CACNA1H: variants seen among roughly 807,000 people sequenced by gnomAD.
CACNA1H encodes voltage-dependent T-type calcium channel subunit alpha-1H.
A neutral mutation model predicts 192.5 loss-of-function variants in CACNA1H; 149 were observed. The ratio of observed to expected loss-of-function variants is 0.77; its 90% CI spans 0.68 to 0.89. The LOEUF (loss-of-function observed/expected upper bound fraction) is 0.89, where lower values mean the gene tolerates loss of function less well. Ranked by LOEUF, CACNA1H falls within the 40% of genes least tolerant of loss-of-function variation. CACNA1H has a pLI of 0.00. For missense variants in CACNA1H, 4,257 were observed against 3,423.5 expected, an observed-to-expected ratio of 1.24 and a Z score of -6.08; for synonymous variants, 2,202 against 1,475.2, an observed-to-expected ratio of 1.49 and a Z score of -11.29.
chr16:1,198,593 A>G (rs749971648), intron 5 of CACNA1H, 22 bp from the exon 6 acceptor site: 35 of 1,610,922 alleles, frequency 2.2e-5, no homozygotes, highest in Admixed American at 6.7e-5. Context: ...AGCAGTGCCA[A>G]TCCTGGCCCT....
chr16:1,178,320 C>T (rs2151743882), intron 2 of CACNA1H, among the ~76,000 whole-genome samples: 1 of 146,786 alleles, frequency 6.8e-6, no homozygotes, highest in African/African-American at 2.5e-5. Context: ...TCCCCAGCCG[C>T]CTCATTTACG....
chr16:1,207,359 C>T lies in CACNA1H; in HGVS notation c.2992C>T (p.Leu998Phe), dbSNP rs768438272. ...CTGGGCCGCCCTCTACTTCGTGGCC[C>T]TCATGACCTTCGGCAACTATGTGCT... ...SSWAALYFVA[L>F]MTFGNYVLFN... The change falls in exon 14 of 35, where the codon CTC (leucine) becomes TTC (phenylalanine). Residue 998 changes from leucine to phenylalanine, a missense_variant. Coordinates refer to ENST00000348261, the MANE Select transcript of CACNA1H (RefSeq NM_021098.3). 1.2e-6 allele frequency: 2 copies of T among 1,613,194 alleles called. No individual in the cohort carries two copies. The highest frequency in any genetic ancestry group is 1.1e-5 in the South Asian group (1 of 91,028).
intron 4 of CACNA1H, among the ~76,000 whole-genome samples, 161 bp from the exon 5 acceptor site, chr16:1,195,765 C>T (rs112165476): frequency 2.2e-4 from 34 of 152,268 alleles, no homozygotes; most frequent in African/African-American, 8.2e-4. Context: ...TGTGACCAAG[C>T]GTTGTGCTCC....
intron 2 of CACNA1H, among the ~76,000 whole-genome samples, chr16:1,154,407 C>T (rs965820170): frequency 6.6e-6 from 1 of 152,130 alleles, no homozygotes; most frequent in African/African-American, 2.4e-5. Flanking sequence ...CTTGCCCACC[C>T]CTCACTGTCT....
chr16:1,215,410 G>T (rs141255443), intron 29 of CACNA1H, 35 bp downstream of exon 29: 1 of 1,594,680 alleles, frequency 6.3e-7, no homozygotes, highest in South Asian at 1.1e-5. Flanking sequence ...TTCTCTCTGC[G>T]GGTGGAGGGT....
At position 1,200,493 on chromosome 16, in the gene CACNA1H, C is replaced by G. The variant is rs757510335; in HGVS notation, c.1041C>G (p.Cys347Trp). Residue 347 changes from cysteine to tryptophan, a missense_variant, in exon 7 of 35, where the codon TGC becomes TGG. By Grantham distance (215) the Cys-to-Trp change is radical. Coordinates refer to ENST00000348261, the MANE Select transcript of CACNA1H (RefSeq NM_021098.3). ...CINWNQYYNV[C>W]RSGDSNPHNG... is the part of the protein sequence containing the mutation. ...ACTGGAACCAGTACTACAACGTGTG[C>G]CGCTCGGGTGACTCCAACCCCCACA... The G allele has an allele frequency of 6.2e-7, 1 of 1,612,180 alleles. No individual in the cohort carries two copies. The highest frequency in any genetic ancestry group is 8.5e-7 in the Non-Finnish European group (1 of 1,179,716).
rs1308887115 is a variant in CACNA1H, at chr16:1,220,785, A to G, written c.6853A>G (p.Ser2285Gly). 3 of 1,612,726 alleles carry G rather than the reference A, an allele frequency of 1.9e-6. No homozygotes were observed. Among genetic ancestry groups the G allele is most frequent in the East Asian group, 2.2e-5 (1 of 44,842 alleles). The change falls in exon 35 of 35, where the codon AGC becomes GGC. Residue 2285 changes from serine (S) to glycine (G), a missense_variant. By Grantham distance (56) the Ser-to-Gly change is moderately conservative. Coordinates refer to ENST00000348261, the MANE Select transcript of CACNA1H (RefSeq NM_021098.3). The part of the protein sequence containing the change: ...VPSGDPFLDG[S>G]HSVTPESRAS... ...CAGTGGAGACCCTTTCTTGGACGGT[A>G]GCCACAGTGTGACCCCAGAATCCAG... is the stretch of plus-strand genomic sequence containing the variant.
At chr16:1,158,968 C>T (rs1188056914) in intron 2 of CACNA1H, among the ~76,000 whole-genome samples, 1 of 152,206 alleles carries the variant, frequency 6.6e-6, no homozygotes, top group Non-Finnish European at 1.5e-5. Context: ...CGGGTTTCAC[C>T]GTCCGTCTGT....
intron 31 of CACNA1H, 60 bp from the exon 32 acceptor site, chr16:1,217,859 C>T (rs1331241042): frequency 1.3e-6 from 2 of 1,523,220 alleles, no homozygotes; most frequent in Non-Finnish European, 1.8e-6. Context: ...AGGCTGGGTG[C>T]ATGTCCCGCC....
Position 1,201,946 on chromosome 16 carries a change from G to T in CACNA1H, c.1496G>T (p.Gly499Val). 1 of 1,547,388 alleles carries T rather than the reference G, an allele frequency of 6.5e-7. No homozygotes were observed. Residue 499 changes from glycine (G) to valine (V), a missense_variant, in exon 9 of 35, where the codon GGT becomes GTT. Gly to Val is a moderately radical substitution (Grantham distance 109, BLOSUM62 -3). Coordinates refer to ENST00000348261, the MANE Select transcript of CACNA1H (RefSeq NM_021098.3). ...GACCCCAGTGCTGTGCAAGGCCAGG[G>T]TCCCGGGCACCGCCAGCGCCGGGCA... ...KVDPSAVQGQ[G>V]PGHRQRRAGR...
intron 30 of CACNA1H, among the ~76,000 whole-genome samples, chr16:1,216,253 C>A (rs1970017624): frequency 6.6e-6 from 1 of 152,214 alleles, no homozygotes; most frequent in African/African-American, 2.4e-5. Flanking sequence ...CCCACCTCAG[C>A]TGTCCCCACT....
At chr16:1,177,197 TGACACAGGCTG>T (rs1275939684) in intron 2 of CACNA1H, among the ~76,000 whole-genome samples, 2 of 152,194 alleles carry the variant, frequency 1.3e-5, no homozygotes, top group Admixed American at 1.3e-4. Flanking sequence ...GATTTCTAAG[TGACACAGGCTG>T]GATGGAGTTT....
At chr16:1,179,548 C>A (rs1965256402) in intron 2 of CACNA1H, among the ~76,000 whole-genome samples, 1 of 152,134 alleles carries the variant, frequency 6.6e-6, no homozygotes, top group Non-Finnish European at 1.5e-5. Context: ...CCTGCCTCAG[C>A]CTCCTGAATA....
rs1415182945 is a variant in CACNA1H, at chr16:1,217,914, C to T, written c.5324-5C>T. 29 of 1,598,260 alleles carry T rather than the reference C, an allele frequency of 1.8e-5. No individual in the cohort carries two copies. The East Asian group carries it at 3.6e-4, about 20-fold the overall frequency. On this transcript the variant is annotated splice_region_variant and splice_polypyrimidine_tract_variant and intron_variant, in intron 31 of 34. Transcript: ENST00000348261. ...GCTGACCGGGCGGGGTCTCCCTCCC[C>T]GCAGAGTGCAGTGAAGACAACCCCT... is the stretch of plus-strand genomic sequence containing the variant.
rs979860076 is a variant in CACNA1H at position 1,180,031 on chromosome 16, G to C, written c.300-14941G>C. On this transcript the variant is annotated intron_variant, in intron 2 of 34. Coordinates refer to ENST00000348261, the MANE Select transcript of CACNA1H (RefSeq NM_021098.3). The surrounding 1 kb of genome is among the most constrained non-coding windows in gnomAD (Gnocchi z 4.4). ...ATAACAGGCGTGAGCCACCATGCCC[G>C]GCCCGGCCTTGTTTTTTAATATACA... Among the ~76,000 whole-genome samples the C allele has an allele frequency of 6.6e-6, 1 of 152,182 alleles. No individual in the cohort carries two copies. Among genetic ancestry groups the C allele is most frequent in the Admixed American group, 6.5e-5 (1 of 15,282 alleles).
In CACNA1H at chr16:1,207,378, A is replaced by T. The variant is rs1436872465; in HGVS notation, c.3011A>T (p.Tyr1004Phe). The T allele has an allele frequency of 1.2e-6, 2 of 1,613,058 alleles. No homozygotes were observed. Among genetic ancestry groups the T allele is most frequent in the Non-Finnish European group, 1.7e-6 (2 of 1,179,778 alleles). ...GTGGCCCTCATGACCTTCGGCAACT[A>T]TGTGCTCTTCAACCTGCTGGTGGCC... ...YFVALMTFGN[Y>F]VLFNLLVAIL... Residue 1004 changes from tyrosine to phenylalanine, a missense_variant, in exon 14 of 35, where the codon TAT (tyrosine) becomes TTT (phenylalanine). Coordinates refer to ENST00000348261, the MANE Select transcript of CACNA1H (RefSeq NM_021098.3).
Position 1,211,377 on chromosome 16 carries a change from G to A in CACNA1H, c.4350+83G>A, listed in dbSNP as rs2738900. The A allele has an allele frequency of 0.61, 979,134 of 1,605,330 alleles. 303,197 individuals are homozygous for A. The highest frequency in any genetic ancestry group is 0.9 in the East Asian group (40,192 of 44,720). ...CAGCGTGGCTCCCAGCAGCGCCGCT[G>A]CGGGACGGGGAGGGACAGCTCGGGC... On this transcript the variant is annotated intron_variant, in intron 22 of 34. Transcript: ENST00000348261.
chr16:1,187,595 G>A (rs982818463), intron 2 of CACNA1H, among the ~76,000 whole-genome samples: 45 of 152,316 alleles, frequency 3.0e-4, no homozygotes, highest in African/African-American at 1.0e-3. Context: ...CCAGCCTCCC[G>A]ATCCTCCCAG....
rs778344290 is a variant in CACNA1H, at chr16:1,218,059, C to T, written c.5445+19C>T. 2.5e-6 allele frequency: 4 copies of T among 1,592,046 alleles called. No individual in the cohort carries two copies. The highest frequency in any genetic ancestry group is 2.3e-5 in the East Asian group (1 of 43,952). ...CATGAAGGTACCCGCCGCGGCCATG[C>T]CTCTGGCACCTGGCAGCCCCAGCGG... On this transcript the variant is annotated intron_variant, in intron 32 of 34. Transcript: ENST00000348261.
Sources: allele counts gnomAD v4.1 joint callset (sites outside exome capture counted in the v4.1 genomes callset), GRCh38; gene constraint gnomAD v4.1.1; non-coding constraint Gnocchi (gnomAD v3.1); transcripts MANE v1.5; gene names NCBI Gene and HGNC (gene_info 2026-07-23, HGNC 2026-07-21).